The following ANKRD36C variants were observed in gnomAD, a reference collection of about 807,000 sequenced individuals.
ANKRD36C encodes ankyrin repeat domain 36C, also known as ankyrin repeat domain-containing protein 36C.
ANKRD36C carries 61 observed loss-of-function variants against 276.4 expected under a neutral mutation model. That is an observed-to-expected ratio of 0.22 (90% CI 0.18 to 0.27). ANKRD36C has a LOEUF of 0.27. ANKRD36C is among the 10% of genes least tolerant of loss of function. The pLI, the probability that ANKRD36C is intolerant of heterozygous loss-of-function variation, is 1.00. For missense variants in ANKRD36C, 1,447 were observed against 2,032.3 expected, an observed-to-expected ratio of 0.71 and a Z score of 5.54; for synonymous variants, 483 against 680.1, an observed-to-expected ratio of 0.71 and a Z score of 4.51.
chr2:95,921,400 T>C (rs1446142794), intron 34 of ANKRD36C, among the ~76,000 whole-genome samples: 1 of 151,526 alleles, frequency 6.6e-6, no homozygotes, highest in African/African-American at 2.4e-5. Context: ...TGGGGAAGTG[T>C]ATAATCATAC....
Position 95,908,402 on chromosome 2 carries a change from G to C in ANKRD36C, c.2653+3842C>G. On this transcript the variant is annotated intron_variant, in intron 42 of 66. Coordinates refer to ENST00000456556, the Ensembl canonical transcript of ANKRD36C. The stretch of plus-strand genomic sequence containing the variant: ...GAAGAATCTCAGGACTGCTGAATCA[G>C]AATGTGCAGCTTCAACGAGCCCCCC... 7.4e-6 allele frequency: 9 copies of C among 1,208,098 alleles called. No homozygotes were observed. In the East Asian group the frequency reaches 2.2e-4, roughly 29 times the overall value. The allele number at this position is 1,208,098 out of a possible 1,614,324, so 74.8% of individuals were successfully genotyped here.
rs547936590 is a variant in ANKRD36C at position 95,914,033 on chromosome 2, C to G, written c.2551+75G>C. 6.4e-6 allele frequency: 9 copies of G among 1,405,332 alleles called. No homozygotes were observed. The African/African-American group carries it at 1.2e-4, about 18-fold the overall frequency. The allele number at this position is 1,405,332 out of a possible 1,614,324, so 87.1% of individuals were successfully genotyped here. A position where few individuals can be genotyped will look rare whatever the true frequency, so the allele number is the denominator to read the frequency against. ...GAATGTGCAGCTTCAACGAGCCCCC[C>G]GCTGATTTCTTCAGGGAAGAGAATT... On this transcript the variant is annotated intron_variant, in intron 40 of 66. Transcript: ENST00000456556.
chr2:95,985,891 A>G (rs1182452296), intron 3 of ANKRD36C, among the ~76,000 whole-genome samples: 8 of 151,982 alleles, frequency 5.3e-5, no homozygotes, highest in Non-Finnish European at 8.8e-5. Flanking sequence ...GCCCATCAAG[A>G]CATTCTGGAC....
intron 6 of ANKRD36C, among the ~76,000 whole-genome samples, chr2:95,973,692 A>G (rs760930298): frequency 2.6e-5 from 4 of 152,134 alleles, no homozygotes; most frequent in Non-Finnish European, 5.9e-5. Flanking sequence ...TCTGCTCCCA[A>G]ACAGTGGGTT....
exon 32 of ANKRD36C, chr2:95,923,565 A>C: frequency 3.1e-6 from 5 of 1,610,380 alleles, no homozygotes; most frequent in Non-Finnish European, 4.2e-6. Flanking sequence ...TGTCACTTGT[A>C]GCCTGAAAGT....
chr2:95,940,956 C>A (rs932006416), intron 20 of ANKRD36C, among the ~76,000 whole-genome samples: 1 of 147,818 alleles, frequency 6.8e-6, no homozygotes. Flanking sequence ...TAAAATTAGG[C>A]TTATAATTTA....
chr2:95,969,492 T>G (rs1340133435), intron 6 of ANKRD36C, among the ~76,000 whole-genome samples: 1 of 152,156 alleles, frequency 6.6e-6, no homozygotes, highest in Non-Finnish European at 1.5e-5. Flanking sequence ...ATTTGAGCCA[T>G]TACATCCCAG....
chr2:95,880,602 G>A (rs1373951063), exon 57 of ANKRD36C: 3 of 1,527,360 alleles, frequency 2.0e-6, no homozygotes, highest in East Asian at 4.9e-5. Context: ...TACCTTCAAG[G>A]TGGGCAGATT....
chr2:95,971,935 CA>C (rs1017604080), intron 6 of ANKRD36C, among the ~76,000 whole-genome samples: 51 of 152,268 alleles, frequency 3.3e-4, no homozygotes, highest in African/African-American at 1.2e-3. Flanking sequence ...CAAAATCTAA[CA>C]GCACAGAAAC....
At chr2:95,878,532 C>T (rs1051429714) in intron 58 of ANKRD36C, among the ~76,000 whole-genome samples, 27 of 152,104 alleles carry the variant, frequency 1.8e-4, no homozygotes, top group African/African-American at 6.3e-4. Context: ...TAAATTATTC[C>T]CACCACAAAT....
rs1318537065 is a variant in ANKRD36C, at chr2:95,906,544, T to C, written c.2653+5700A>G. The C allele has an allele frequency of 4.4e-5, 10 of 229,354 alleles. 1 individual carries two copies. The highest frequency in any genetic ancestry group is 1.6e-4 in the South Asian group (6 of 37,764). The allele number at this position is 229,354 out of a possible 1,614,324, so 14.2% of individuals were successfully genotyped here. A position where few individuals can be genotyped will look rare whatever the true frequency, so the allele number is the denominator to read the frequency against. ...AGGCCTACTGAATCAGAATGTGCAG[T>C]TTCGACCAGCCCCCCACTGATTTAT... On this transcript the variant is annotated intron_variant, in intron 42 of 66. Transcript: ENST00000456556.
intron 50 of ANKRD36C, among the ~76,000 whole-genome samples, chr2:95,886,522 C>A: frequency 6.6e-6 from 1 of 151,670 alleles, no homozygotes; most frequent in African/African-American, 2.4e-5. Context: ...AAGGATATGC[C>A]GAGTGATGAG....
intron 6 of ANKRD36C, among the ~76,000 whole-genome samples, chr2:95,964,725 ACAT>A (rs1678551578): frequency 6.6e-6 from 1 of 151,986 alleles, no homozygotes; most frequent in African/African-American, 2.4e-5. Context: ...CTATGCTTTC[ACAT>A]CATATTATGA....
At position 95,925,581 on chromosome 2, in the gene ANKRD36C, T is replaced by G. The variant is rs779497165; in HGVS notation, c.1940-34A>C. 3.3e-6 allele frequency: 5 copies of G among 1,527,486 alleles called. No individual in the cohort carries two copies. In the South Asian group the frequency reaches 4.9e-5, roughly 15 times the overall value. 94.6% of individuals were successfully genotyped at this position (1,527,486 alleles called of 1,614,324 possible). On this transcript the variant is annotated intron_variant, in intron 28 of 66. Coordinates refer to ENST00000456556, the Ensembl canonical transcript of ANKRD36C. Reference sequence around the variant, plus strand: ...TAAAAGAAATATATAATTCATCATATGTAAATATGATAAAGTCGTCCACAC... The same window carrying G: ...TAAAAGAAATATATAATTCATCATAGGTAAATATGATAAAGTCGTCCACAC...
In ANKRD36C at chr2:95,921,874, G is replaced by T. The variant is rs1371497813; in HGVS notation, c.2144-64C>A. ...GATACATTTTCCATACATTCATGCG[G>T]TGTTAGCATCAAGCTGTATCTGCCT... is the stretch of plus-strand genomic sequence containing the variant. On this transcript the variant is annotated intron_variant, in intron 32 of 66. Transcript: ENST00000456556. 11 of 1,504,336 alleles carry T rather than the reference G, an allele frequency of 7.3e-6. No homozygotes were observed. In the African/African-American group the frequency reaches 8.4e-5, roughly 12 times the overall value. 93.2% of individuals were successfully genotyped at this position (1,504,336 alleles called of 1,614,324 possible).
chr2:95,968,019 G>A (rs1286347218), intron 6 of ANKRD36C, among the ~76,000 whole-genome samples: 1 of 152,152 alleles, frequency 6.6e-6, no homozygotes, highest in Non-Finnish European at 1.5e-5. Flanking sequence ...TTGAACCCAG[G>A]AGGCAGAGGT....
intron 19 of ANKRD36C, among the ~76,000 whole-genome samples, chr2:95,941,673 G>T (rs1045249268): frequency 6.6e-6 from 1 of 152,294 alleles, no homozygotes; most frequent in Non-Finnish European, 1.5e-5. Flanking sequence ...GGAGAAACAG[G>T]CCAAACCACA....
chr2:95,973,778 G>A (rs1011171431), intron 6 of ANKRD36C, among the ~76,000 whole-genome samples: 76 of 152,260 alleles, frequency 5.0e-4, no homozygotes, highest in African/African-American at 1.7e-3. Flanking sequence ...ACGATGGCTC[G>A]TAACTATAAT....
intron 52 of ANKRD36C, 90 bp from the exon 73 acceptor site, chr2:95,884,458 C>T (rs1676157095): frequency 6.3e-7 from 1 of 1,591,670 alleles, no homozygotes; most frequent in East Asian, 2.2e-5. Flanking sequence ...AAGCTGTATC[C>T]TTCTGCCTGT....
Sources: allele counts gnomAD v4.1 joint callset (sites outside exome capture counted in the v4.1 genomes callset), GRCh38; gene constraint gnomAD v4.1.1; transcripts MANE v1.5; gene names NCBI Gene and HGNC (gene_info 2026-07-23, HGNC 2026-07-21).